ST8SIA5: variants seen among roughly 807,000 people sequenced by gnomAD.
ST8SIA5 encodes ST8 alpha-N-acetyl-neuraminide alpha-2,8-sialyltransferase 5, also known as alpha-2,8-sialyltransferase 8E.
Under a neutral mutation model 40.2 loss-of-function variants are expected in ST8SIA5, and 24 were observed. That is an observed-to-expected ratio of 0.60 (90% CI 0.43 to 0.84). The LOEUF (loss-of-function observed/expected upper bound fraction) is 0.84, where lower values mean the gene tolerates loss of function less well. Ranked by LOEUF, ST8SIA5 falls within the 40% of genes least tolerant of loss-of-function variation. ST8SIA5 has a pLI of 0.00. For missense variants in ST8SIA5, 465 were observed against 498.5 expected (o/e 0.93, Z 0.64); for synonymous variants, 198 against 201.8 (o/e 0.98, Z 0.16).
intron 1 of ST8SIA5, among the ~76,000 whole-genome samples, chr18:46,713,775 C>T (rs558677233): frequency 1.2e-4 from 18 of 152,160 alleles, no homozygotes; most frequent in Non-Finnish European, 1.6e-4. Context: ...GATCTAGCAA[C>T]CAGGAAGTCA....
At chr18:46,753,997 A>G (rs1174001548) in intron 1 of ST8SIA5, among the ~76,000 whole-genome samples, 2 of 152,118 alleles carry the variant, frequency 1.3e-5, no homozygotes, top group Non-Finnish European at 2.9e-5. Context: ...AGGCCCTCCC[A>G]GAGCCTCTGC....
chr18:46,734,980 G>T (rs530858094), intron 1 of ST8SIA5, among the ~76,000 whole-genome samples: 1 of 152,326 alleles, frequency 6.6e-6, no homozygotes, highest in Non-Finnish European at 1.5e-5. Flanking sequence ...AGTGGACTGG[G>T]AGAGGCAGAC....
Sources: allele counts gnomAD v4.1 joint callset (sites outside exome capture counted in the v4.1 genomes callset), GRCh38; gene constraint gnomAD v4.1.1; transcripts MANE v1.5; gene names NCBI Gene and HGNC (gene_info 2026-07-23, HGNC 2026-07-21).